The following KATNIP variants were observed in gnomAD, a reference collection of about 807,000 sequenced individuals.
The protein encoded by KATNIP is katanin-interacting protein.
In KATNIP, 126 loss-of-function variants were observed where a neutral mutation model predicts 174.0. The observed-to-expected ratio is 0.72, with a 90% CI of 0.63 to 0.84. KATNIP has a LOEUF of 0.84. Ranked by LOEUF, KATNIP falls within the 40% of genes least tolerant of loss-of-function variation. KATNIP has a pLI of 0.00. For synonymous variants in KATNIP, 810 were observed against 835.7 expected (o/e 0.97, Z 0.53); for missense variants, 1,958 against 2,109.7 (o/e 0.93, Z 1.41).
intron 1 of KATNIP, among the ~76,000 whole-genome samples, chr16:27,566,250 G>A (rs1469598674): frequency 6.6e-6 from 1 of 152,136 alleles, no homozygotes; most frequent in African/African-American, 2.4e-5. Context: ...TCAAGGTTCA[G>A]GAAGCCGGCC....
chr16:27,677,737 A>G lies in KATNIP; in HGVS notation c.549A>G (p.Arg183=). ...NTSEDRPQEL[R]RSLELSVNLQ... The stretch of plus-strand genomic sequence containing the variant: ...TTCTGGGCTTTTTGCAGGAGCTGAG[A>G]AGAAGCCTGGAACTTAGTGTAAATC... The change falls in exon 7 of 28, where the codon AGA becomes AGG. Residue 183 remains arginine (R), a synonymous_variant. Coordinates refer to ENST00000261588, the MANE Select transcript of KATNIP (RefSeq NM_015202.5). The G allele has an allele frequency of 6.2e-7, 1 of 1,603,758 alleles. No individual in the cohort carries two copies.
intron 5 of KATNIP, among the ~76,000 whole-genome samples, chr16:27,642,627 G>A (rs965125619): frequency 3.3e-5 from 5 of 152,056 alleles, no homozygotes; most frequent in African/African-American, 9.7e-5. Flanking sequence ...TGCTAAGACC[G>A]AGTTGATAGG....
At chr16:27,676,873 T>C (rs1254889427) in intron 6 of KATNIP, among the ~76,000 whole-genome samples, 1 of 152,186 alleles carries the variant, frequency 6.6e-6, no homozygotes, top group Non-Finnish European at 1.5e-5. Context: ...GGTCTCACTG[T>C]GTTGCCCAGG....
chr16:27,688,461 G>C (rs183624079), intron 8 of KATNIP, among the ~76,000 whole-genome samples: 7 of 152,130 alleles, frequency 4.6e-5, no homozygotes, highest in Non-Finnish European at 1.0e-4. Flanking sequence ...CATGGTGGCG[G>C]TCACCTGTGG....
chr16:27,695,750 T>C (rs2142954558), intron 8 of KATNIP, among the ~76,000 whole-genome samples: 1 of 152,268 alleles, frequency 6.6e-6, no homozygotes, highest in African/African-American at 2.4e-5. Flanking sequence ...CAAAGAAATA[T>C]TTGGAGCAGC....
intron 4 of KATNIP, among the ~76,000 whole-genome samples, chr16:27,629,479 T>G (rs2076426336): frequency 6.6e-6 from 1 of 152,208 alleles, no homozygotes; most frequent in African/African-American, 2.4e-5. Flanking sequence ...CTGTGTAATA[T>G]TTGATTTTAC....
chr16:27,677,471 C>T (rs773551788), intron 6 of KATNIP, among the ~76,000 whole-genome samples: 1 of 152,038 alleles, frequency 6.6e-6, no homozygotes. Flanking sequence ...CACTCCCCCC[C>T]ACCCCACCTT....
At position 27,713,727 on chromosome 16, in the gene KATNIP, AT is replaced by A. The variant is rs58721604; in HGVS notation, c.1605+4809del. ...ATACATATTATATATATGTGTGTGT[AT>A]TATATACACATACATATTATATATA... On this transcript the variant is annotated intron_variant, in intron 13 of 27. Transcript: ENST00000261588. 4.9e-4 allele frequency among the ~76,000 whole-genome samples: 51 copies of A among 105,134 alleles called. 1 individual carries two copies. Among genetic ancestry groups the A allele is most frequent in the African/African-American group, 1.4e-3 (36 of 24,966 alleles). The allele number at this position is 105,134 out of a possible 152,430, so 69.0% of individuals were successfully genotyped here. A position where few individuals can be genotyped will look rare whatever the true frequency, so the allele number is the denominator to read the frequency against.
Position 27,628,731 on chromosome 16 carries a change from G to C in KATNIP, c.211G>C (p.Val71Leu). 6.2e-7 allele frequency: 1 copy of C among 1,614,212 alleles called. No homozygotes were observed. The highest frequency in any genetic ancestry group is 8.5e-7 in the Non-Finnish European group (1 of 1,180,044). Reference sequence around the variant, plus strand: ...GGAGCACTTGGAGCAAGGTTTCTCTGTCTATGTCAACGGTGCCAATTCGGA... The same window carrying C: ...GGAGCACTTGGAGCAAGGTTTCTCTCTCTATGTCAACGGTGCCAATTCGGA... ...RLEHLEQGFS[V>L]YVNGANSELK... The change falls in exon 4 of 28, where the codon GTC (valine) becomes CTC (leucine). Residue 71 changes from valine (V) to leucine (L), a missense_variant. Coordinates refer to ENST00000261588, the MANE Select transcript of KATNIP (RefSeq NM_015202.5).
In KATNIP at chr16:27,694,794, T is replaced by TAAAC. The variant is rs1377711770; in HGVS notation, c.941-3531_941-3530insCAAA. On this transcript the variant is annotated intron_variant, in intron 8 of 27. Transcript: ENST00000261588. Reference sequence around the variant, plus strand: ...CTGGACAAGGGAGACCCTACCACAATAAATAAATAAATAAATAAATAAATA... The same window carrying TAAAC: ...CTGGACAAGGGAGACCCTACCACAATAAACAAATAAATAAATAAATAAATAAATA... 4.6e-5 allele frequency among the ~76,000 whole-genome samples: 7 copies of TAAAC among 151,432 alleles called. No homozygotes were observed. In the South Asian group the frequency reaches 1.3e-3, roughly 27 times the overall value.
chr16:27,734,283 C>T (rs2080815107), intron 14 of KATNIP, among the ~76,000 whole-genome samples: 1 of 151,416 alleles, frequency 6.6e-6, no homozygotes, highest in African/African-American at 2.4e-5. Context: ...GCGTTTCTGG[C>T]ACCTCTGCAG....
At chr16:27,587,897 T>C (rs971336133) in intron 2 of KATNIP, among the ~76,000 whole-genome samples, 3 of 151,874 alleles carry the variant, frequency 2.0e-5, no homozygotes, top group African/African-American at 7.3e-5. Context: ...CCTTTTCCCT[T>C]TCCTTTTTCT....
In KATNIP at chr16:27,740,379, G is replaced by A. The variant is rs753820755; in HGVS notation, c.2082G>A (p.Gln694=). ...ATTGCAGGAAAGACAGTTTGTCCCA[G>A]TTAGAGGAATATTTGAGACTGTCGG... ...STNCRKDSLS[Q]LEEYLRLSAV... Residue 694 remains glutamine, a synonymous_variant, in exon 15 of 28, where the codon CAG becomes CAA. Coordinates refer to ENST00000261588, the MANE Select transcript of KATNIP (RefSeq NM_015202.5). 6.2e-7 allele frequency: 1 copy of A among 1,614,210 alleles called. No homozygotes were observed.
intron 22 of KATNIP, among the ~76,000 whole-genome samples, chr16:27,771,937 G>A (rs2082321094): frequency 6.6e-6 from 1 of 152,142 alleles, no homozygotes; most frequent in Non-Finnish European, 1.5e-5. Flanking sequence ...GCTGGACTGG[G>A]GAAGGGGGGT....
At chr16:27,551,471 C>A (rs1801601794) in intron 1 of KATNIP, among the ~76,000 whole-genome samples, 1 of 152,148 alleles carries the variant, frequency 6.6e-6, no homozygotes, top group Admixed American at 6.6e-5. Flanking sequence ...CCTTTTAAGC[C>A]TTGGGACCCC....
At chr16:27,711,825 G>T (rs192905058) in intron 13 of KATNIP, among the ~76,000 whole-genome samples, 51 of 152,326 alleles carry the variant, frequency 3.3e-4, no homozygotes, top group African/African-American at 1.1e-3. Flanking sequence ...TCCCCTTCTA[G>T]ATCAGTAGCT....
In KATNIP at chr16:27,600,985, A is replaced by AAAGT. The variant is rs1220652023; in HGVS notation, c.64-17440_64-17439insAAGT. Among the ~76,000 whole-genome samples the AAAGT allele has an allele frequency of 5.3e-5, 8 of 152,206 alleles. No individual in the cohort carries two copies. The East Asian group carries it at 1.5e-3, about 29-fold the overall frequency. On this transcript the variant is annotated intron_variant, in intron 2 of 27. Coordinates refer to ENST00000261588, the MANE Select transcript of KATNIP (RefSeq NM_015202.5). ...TGACCTCAGGTGATCCACCCGCCTC[A>AAAGT]GCCTCCCAAAGTGCTGGGATTACAG...
chr16:27,729,084 G>A (rs932794544), intron 14 of KATNIP, among the ~76,000 whole-genome samples: 2 of 152,208 alleles, frequency 1.3e-5, no homozygotes, highest in East Asian at 3.8e-4. Context: ...TGGTACCAAA[G>A]GACAGAAAAC....
intron 2 of KATNIP, among the ~76,000 whole-genome samples, chr16:27,612,541 C>G (rs1053850611): frequency 6.6e-6 from 1 of 151,986 alleles, no homozygotes; most frequent in African/African-American, 2.4e-5. Flanking sequence ...GGTGGATCAC[C>G]TGAGGTCAGG....
Sources: allele counts gnomAD v4.1 joint callset (sites outside exome capture counted in the v4.1 genomes callset), GRCh38; gene constraint gnomAD v4.1.1; transcripts MANE v1.5; gene names NCBI Gene and HGNC (gene_info 2026-07-23, HGNC 2026-07-21).